LRRC4C: variants seen among roughly 807,000 people sequenced by gnomAD.
The protein encoded by LRRC4C is leucine rich repeat containing 4C.
Under a neutral mutation model 33.6 loss-of-function variants are expected in LRRC4C, and 5 were observed. The observed-to-expected ratio is 0.15, with a 90% CI of 0.08 to 0.31. The LOEUF (loss-of-function observed/expected upper bound fraction) is 0.31, where lower values mean the gene tolerates loss of function less well. Among genes scored for constraint, LRRC4C ranks in the 10% least tolerant of loss-of-function variants. The probability of loss-of-function intolerance (pLI) is 1.00; values close to 1 mark genes in which losing one functional copy is unlikely to be tolerated. For missense variants in LRRC4C, 560 were observed against 796.7 expected (o/e 0.70, Z 3.58); for synonymous variants, 329 against 302.0 (o/e 1.09, Z -0.93).
At chr11:40,766,887 A>G (rs940783379) in intron 2 of LRRC4C, among the ~76,000 whole-genome samples, 1 of 150,824 alleles carries the variant, frequency 6.6e-6, no homozygotes, top group Non-Finnish European at 1.5e-5. Context: ...AGAAGGGGGG[A>G]GGAAAAGAGG....
chr11:41,064,205 G>A (rs1248682959), intron 1 of LRRC4C, among the ~76,000 whole-genome samples: 1 of 152,166 alleles, frequency 6.6e-6, no homozygotes, highest in African/African-American at 2.4e-5. Flanking sequence ...TTATGCATAT[G>A]GTGCCATAGT....
rs1337942917 is a variant in LRRC4C, at chr11:40,693,284, CAAT to C, written c.-406-45009_-406-45007del. On this transcript the variant is annotated intron_variant, in intron 2 of 6. Coordinates refer to ENST00000528697, the MANE Select transcript of LRRC4C (RefSeq NM_001258419.2). Reference sequence around the variant, plus strand: ...CTGACTAAATTCATCACATTGGAAACAATGATTTTTGAAAAGAGAGAATGGTAA... The same window carrying C: ...CTGACTAAATTCATCACATTGGAAACGATTTTTGAAAAGAGAGAATGGTAA... 3.9e-5 allele frequency among the ~76,000 whole-genome samples: 6 copies of C among 152,086 alleles called. No homozygotes were observed. The East Asian group carries it at 1.2e-3, about 29-fold the overall frequency.
chr11:40,366,376 T>C (rs956389084), intron 3 of LRRC4C, among the ~76,000 whole-genome samples: 1 of 152,068 alleles, frequency 6.6e-6, no homozygotes, highest in African/African-American at 2.4e-5. Flanking sequence ...AGAGACATAT[T>C]GTCAGCCAGC....
chr11:40,334,176 A>C (rs1166710838), intron 3 of LRRC4C, among the ~76,000 whole-genome samples: 3 of 152,180 alleles, frequency 2.0e-5, no homozygotes, highest in African/African-American at 7.2e-5. Flanking sequence ...TACATTTTAT[A>C]TTTAAGGGCA....
At chr11:40,862,524 T>C (rs1230283146) in intron 2 of LRRC4C, among the ~76,000 whole-genome samples, 11 of 152,198 alleles carry the variant, frequency 7.2e-5, no homozygotes, top group African/African-American at 7.2e-5. Flanking sequence ...CTAGTGTAAA[T>C]ACTAACCTTC....
At chr11:40,513,079 C>T (rs1031738164) in intron 3 of LRRC4C, among the ~76,000 whole-genome samples, 3 of 151,756 alleles carry the variant, frequency 2.0e-5, no homozygotes, top group Non-Finnish European at 1.5e-5. Flanking sequence ...GAAACCCCGT[C>T]TCTACTACAA....
At chr11:40,649,754 G>A (rs970016723) in intron 2 of LRRC4C, among the ~76,000 whole-genome samples, 2 of 152,256 alleles carry the variant, frequency 1.3e-5, no homozygotes, top group African/African-American at 4.8e-5. Context: ...TTGAAGTAAA[G>A]ACAGGAGTAA....
chr11:40,837,185 G>T (rs1393611949), intron 2 of LRRC4C, among the ~76,000 whole-genome samples: 1 of 152,128 alleles, frequency 6.6e-6, no homozygotes, highest in African/African-American at 2.4e-5. Context: ...TTGCTCACCT[G>T]TCTAGGCAGT....
intron 1 of LRRC4C, among the ~76,000 whole-genome samples, chr11:41,396,473 G>A (rs1953819202): frequency 6.6e-6 from 1 of 151,738 alleles, no homozygotes. Context: ...TATAGTTATT[G>A]TCTTCACTTT....
intron 6 of LRRC4C, among the ~76,000 whole-genome samples, chr11:40,116,800 C>G (rs1389621227): frequency 6.6e-6 from 1 of 152,194 alleles, no homozygotes; most frequent in Non-Finnish European, 1.5e-5. Flanking sequence ...GGGCTATACA[C>G]TTTACAAACA....
At chr11:41,218,591 A>T (rs535826314) in intron 1 of LRRC4C, among the ~76,000 whole-genome samples, 2 of 152,246 alleles carry the variant, frequency 1.3e-5, no homozygotes, top group South Asian at 2.1e-4. Context: ...TCTTCAAAAA[A>T]TTTTGTAGAT....
intron 2 of LRRC4C, among the ~76,000 whole-genome samples, chr11:40,783,887 T>A (rs1420126697): frequency 1.3e-5 from 2 of 152,134 alleles, no homozygotes; most frequent in African/African-American, 4.8e-5. Context: ...AATTATTTTG[T>A]AAAATGTGAT....
chr11:41,166,997 A>G, intron 1 of LRRC4C, among the ~76,000 whole-genome samples: 1 of 152,196 alleles, frequency 6.6e-6, no homozygotes, highest in East Asian at 1.9e-4. Context: ...GGCATTAAAT[A>G]CTGAATTCAG....
intron 2 of LRRC4C, among the ~76,000 whole-genome samples, chr11:40,666,876 T>C (rs1020899401): frequency 6.6e-6 from 1 of 152,186 alleles, no homozygotes; most frequent in Non-Finnish European, 1.5e-5. Context: ...AACTTCCTCC[T>C]GAGGTCCCTC....
chr11:40,122,990 T>C (rs376890766), intron 6 of LRRC4C, among the ~76,000 whole-genome samples: 29 of 106,264 alleles, frequency 2.7e-4, no homozygotes, highest in South Asian at 3.7e-4. Context: ...CACACACATA[T>C]ATACTATTTT....
rs533078101 is a variant in LRRC4C at position 40,634,794 on chromosome 11, CG to C, written c.-270+13347del. On this transcript the variant is annotated intron_variant, in intron 3 of 6. Transcript: ENST00000528697. ...CTACTTTGGAAGCTAAGGCAGGTGG[CG>C]GGGGGTGTTGTTTGAGTCCAGGGAT... is the stretch of plus-strand genomic sequence containing the variant. Among the ~76,000 whole-genome samples the C allele has an allele frequency of 1.4e-3, 213 of 151,662 alleles. 1 individual carries two copies. The highest frequency in any genetic ancestry group is 9.9e-3 in the East Asian group (51 of 5,158).
intron 1 of LRRC4C, among the ~76,000 whole-genome samples, chr11:41,305,845 T>C (rs1263433661): frequency 7.5e-6 from 1 of 133,480 alleles, no homozygotes; most frequent in East Asian, 2.2e-4. Flanking sequence ...CCCTCCACTA[T>C]TGTCCCATGA....
chr11:40,615,242 A>T (rs909144144), intron 3 of LRRC4C, among the ~76,000 whole-genome samples: 6 of 76,586 alleles, frequency 7.8e-5, no homozygotes, highest in South Asian at 4.3e-4. Flanking sequence ...TTTATTTTAT[A>T]TATATATATA....
chr11:40,503,342 T>C (rs953467651), intron 3 of LRRC4C, among the ~76,000 whole-genome samples: 1 of 152,214 alleles, frequency 6.6e-6, no homozygotes, highest in African/African-American at 2.4e-5. Flanking sequence ...GAACCATGCC[T>C]AGCATATAGC....
Sources: gnomAD v4.1 joint callset for allele counts (sites outside exome capture counted in the v4.1 genomes callset) on GRCh38, gnomAD v4.1.1 for gene constraint, MANE v1.5 for transcripts, NCBI Gene and HGNC (gene_info 2026-07-23, HGNC 2026-07-21) for gene names.